SLIT3: variants seen among roughly 807,000 people sequenced by gnomAD.
The protein encoded by SLIT3 is slit guidance ligand 3.
Under a neutral mutation model 184.0 loss-of-function variants are expected in SLIT3, and 68 were observed. The observed-to-expected ratio is 0.37, with a 90% CI of 0.30 to 0.45. SLIT3 has a LOEUF of 0.45. Ranked by LOEUF, SLIT3 falls within the 20% of genes least tolerant of loss-of-function variation. The pLI is 1.00. For missense variants in SLIT3, 1,707 were observed against 2,026.0 expected (o/e 0.84, Z 3.02); for synonymous variants, 831 against 828.6 (o/e 1.00, Z -0.05).
rs1864954 is a variant in SLIT3 at position 168,696,308 on chromosome 5, A to G, written c.3066T>C (p.Cys1022=). Reference sequence around the variant, plus strand: ...GATCCTTACCTGTGTAGTTAGGCGGACAGATACACACGTAGTTGTTGATCC... The same window carrying G: ...GATCCTTACCTGTGTAGTTAGGCGGGCAGATACACACGTAGTTGTTGATCC... ...VDGINNYVCI[C]PPNYTGELCD... Residue 1022 remains cysteine, a synonymous_variant, in exon 28 of 36, where the codon TGT becomes TGC. Coordinates refer to ENST00000519560, the MANE Select transcript of SLIT3 (RefSeq NM_003062.4). 0.04 allele frequency: 64,017 copies of G among 1,614,022 alleles called. 5,549 individuals are homozygous for G. Among genetic ancestry groups the G allele is most frequent in the East Asian group, 0.29 (13,203 of 44,848 alleles).
At chr5:169,051,695 A>C (rs1757821188) in intron 4 of SLIT3, among the ~76,000 whole-genome samples, 1 of 152,228 alleles carries the variant, frequency 6.6e-6, no homozygotes, top group Non-Finnish European at 1.5e-5. Context: ...ATCCTGTGGG[A>C]AAGTGGAAAA....
intron 4 of SLIT3, among the ~76,000 whole-genome samples, chr5:168,997,138 G>T (rs114479530): frequency 6.6e-6 from 1 of 152,062 alleles, no homozygotes; most frequent in Non-Finnish European, 1.5e-5. Flanking sequence ...GACGCATCGC[G>T]TGCCCCTTCT....
Position 168,832,299 on chromosome 5 carries a change from A to G in SLIT3, c.558-8968T>C, listed in dbSNP as rs185700181. 3.3e-3 allele frequency among the ~76,000 whole-genome samples: 510 copies of G among 152,356 alleles called. 14 individuals are homozygous for G. Among genetic ancestry groups the G allele is most frequent in the Non-Finnish European group, 7.5e-4 (51 of 68,032 alleles). ...GCAGTTGAAAAGGGAAGAAACAGGC[A>G]ATTTCCACCTCAGCTGCATTTGGTG... On this transcript the variant is annotated intron_variant, in intron 6 of 35. Transcript: ENST00000519560.
chr5:168,695,802 T>C (rs1561879284), intron 28 of SLIT3, among the ~76,000 whole-genome samples: 1 of 152,170 alleles, frequency 6.6e-6, no homozygotes, highest in Non-Finnish European at 1.5e-5. Flanking sequence ...ATAGATGTTA[T>C]GTTCTCTTTC....
intron 4 of SLIT3, among the ~76,000 whole-genome samples, chr5:169,089,705 T>G (rs539636671): frequency 6.6e-6 from 1 of 152,232 alleles, no homozygotes; most frequent in African/African-American, 2.4e-5. Flanking sequence ...CTAAGGACCC[T>G]CCATCCTGGA....
intron 4 of SLIT3, among the ~76,000 whole-genome samples, chr5:168,886,902 T>C (rs560608131): frequency 6.6e-6 from 1 of 152,292 alleles, no homozygotes; most frequent in African/African-American, 2.4e-5. Flanking sequence ...AGAGGACTTA[T>C]TAAGGAGACA....
chr5:169,203,698 A>T (rs1763976650), intron 3 of SLIT3, among the ~76,000 whole-genome samples: 2 of 152,220 alleles, frequency 1.3e-5, no homozygotes, highest in Admixed American at 1.3e-4. Flanking sequence ...GGTGTTAAGA[A>T]GTAGTCAAAT....
chr5:168,822,927 A>T (rs1425047866), intron 7 of SLIT3, among the ~76,000 whole-genome samples: 1 of 152,184 alleles, frequency 6.6e-6, no homozygotes, highest in Non-Finnish European at 1.5e-5. Flanking sequence ...TCAGAGTTCT[A>T]TATGCTTTGT....
At chr5:168,761,909 T>TA (rs773306404) in intron 15 of SLIT3, among the ~76,000 whole-genome samples, 22 of 127,828 alleles carry the variant, frequency 1.7e-4, no homozygotes, top group African/African-American at 4.5e-4. Context: ...GCCCAGCTAA[T>TA]AAAAAAAAAA....
chr5:169,280,719 C>T, intron 1 of SLIT3, among the ~76,000 whole-genome samples: 1 of 152,278 alleles, frequency 6.6e-6, no homozygotes, highest in Non-Finnish European at 1.5e-5. Context: ...CTACCAGTGG[C>T]TGTTCTGTGA....
At chr5:168,791,793 C>T (rs1229872644) in intron 10 of SLIT3, 1 of 152,188 alleles carries the variant, frequency 6.6e-6, no homozygotes, top group Non-Finnish European at 1.5e-5. Flanking sequence ...TTGTTAACTA[C>T]ATTCACCGTG....
At chr5:169,006,176 G>C (rs1345305799) in intron 4 of SLIT3, among the ~76,000 whole-genome samples, 1 of 152,194 alleles carries the variant, frequency 6.6e-6, no homozygotes, top group African/African-American at 2.4e-5. Context: ...CTGTAATTCA[G>C]GGCCTTGCAG....
chr5:168,945,601 G>C (rs1159912099), intron 4 of SLIT3, among the ~76,000 whole-genome samples: 2 of 152,206 alleles, frequency 1.3e-5, no homozygotes, highest in African/African-American at 2.4e-5. Context: ...CAGAGGTTCT[G>C]TGTCTCCGCC....
At chr5:168,689,063 C>T (rs1043712123) in intron 29 of SLIT3, among the ~76,000 whole-genome samples, 10 of 152,154 alleles carry the variant, frequency 6.6e-5, no homozygotes, top group African/African-American at 2.4e-4. Flanking sequence ...ATGCTACAGC[C>T]CTCTCAATAC....
intron 4 of SLIT3, among the ~76,000 whole-genome samples, chr5:169,059,497 G>T (rs1291179113): frequency 6.6e-6 from 1 of 152,080 alleles, no homozygotes; most frequent in African/African-American, 2.4e-5. Flanking sequence ...AAGTAGAAGG[G>T]CAGTGATTTG....
chr5:169,232,874 A>G (rs564019086), intron 3 of SLIT3, among the ~76,000 whole-genome samples: 2 of 152,330 alleles, frequency 1.3e-5, no homozygotes, highest in East Asian at 1.9e-4. Flanking sequence ...GAGAGTTGCC[A>G]TATTTGCAAT....
chr5:168,798,050 T>C (rs1310161168), intron 9 of SLIT3, among the ~76,000 whole-genome samples: 1 of 151,808 alleles, frequency 6.6e-6, no homozygotes, highest in African/African-American at 2.4e-5. Flanking sequence ...GAAGATGAAA[T>C]ATAGATGTGA....
At chr5:168,792,475 C>T (rs936529494) in intron 10 of SLIT3, 8 of 152,172 alleles carry the variant, frequency 5.3e-5, no homozygotes, top group South Asian at 2.1e-4. Flanking sequence ...CTCAGACCCA[C>T]GTTGGTCCTC....
At chr5:168,912,432 GCAC>G (rs1562002497) in intron 4 of SLIT3, among the ~76,000 whole-genome samples, 1 of 152,090 alleles carries the variant, frequency 6.6e-6, no homozygotes, top group Non-Finnish European at 1.5e-5. Flanking sequence ...TATATAGCAT[GCAC>G]CAGTTTTTTC....
Sources: allele counts gnomAD v4.1 joint callset (sites outside exome capture counted in the v4.1 genomes callset), GRCh38; gene constraint gnomAD v4.1.1; transcripts MANE v1.5; gene names NCBI Gene and HGNC (gene_info 2026-07-23, HGNC 2026-07-21).